ANP32A: variants seen among roughly 807,000 people sequenced by gnomAD.
The protein encoded by ANP32A is acidic leucine-rich nuclear phosphoprotein 32 family member A.
A neutral mutation model predicts 33.9 loss-of-function variants in ANP32A; 1 was observed. The ratio of observed to expected loss-of-function variants is 0.03; its 90% confidence interval spans 0.01 to 0.14. The LOEUF is 0.14. ANP32A is among the 10% of genes least tolerant of loss of function. The pLI is 1.00. For synonymous variants in ANP32A, 115 were observed against 120.5 expected (o/e 0.95, Z 0.30); for missense variants, 155 against 306.0 (o/e 0.51, Z 3.68).
chr15:68,807,845 C>A (rs942698520), intron 1 of ANP32A, among the ~76,000 whole-genome samples: 1 of 152,162 alleles, frequency 6.6e-6, no homozygotes, highest in South Asian at 2.1e-4. Context: ...CCTGGGCCCC[C>A]GCCCTTTTAC....
At chr15:68,820,332 C>G (rs991340898) in intron 1 of ANP32A, among the ~76,000 whole-genome samples, 15 of 152,170 alleles carry the variant, frequency 9.9e-5, no homozygotes, top group African/African-American at 3.6e-4. Context: ...ATCTTCCCCC[C>G]AGACGGAGTC....
At chr15:68,794,015 G>A (rs1366761284) in intron 1 of ANP32A, among the ~76,000 whole-genome samples, 1 of 152,186 alleles carries the variant, frequency 6.6e-6, no homozygotes, top group Non-Finnish European at 1.5e-5. Flanking sequence ...GAGTCCGAGA[G>A]AACTGGCTCA....
At chr15:68,784,950 C>G (rs1414447572) in intron 3 of ANP32A, among the ~76,000 whole-genome samples, 1 of 152,172 alleles carries the variant, frequency 6.6e-6, no homozygotes, top group Non-Finnish European at 1.5e-5. Flanking sequence ...TTTACTGCCT[C>G]TCCCTGAGAC....
chr15:68,807,820 C>T (rs897000), intron 1 of ANP32A, among the ~76,000 whole-genome samples: 142,539 of 152,252 alleles, frequency 0.94, 67,147 homozygotes, highest in Non-Finnish European at 0.98. Context: ...CTGTACCTGA[C>T]TGCCTGGGTC....
chr15:68,793,252 A>C (rs1021343249), intron 1 of ANP32A, among the ~76,000 whole-genome samples: 9 of 152,204 alleles, frequency 5.9e-5, no homozygotes, highest in African/African-American at 2.2e-4. Context: ...GGGAATATAG[A>C]GGTGAGTCAA....
chr15:68,816,350 A>C (rs1415451790), intron 1 of ANP32A, among the ~76,000 whole-genome samples: 1 of 152,226 alleles, frequency 6.6e-6, no homozygotes, highest in Non-Finnish European at 1.5e-5. Context: ...CTCACTGGTC[A>C]CATGATAACC....
chr15:68,789,951 A>G (rs1330187967), intron 1 of ANP32A: 1 of 152,356 alleles, frequency 6.6e-6, no homozygotes, highest in African/African-American at 2.4e-5. Context: ...TCATGGCAAG[A>G]GTGCCTGGGA....
chr15:68,813,361 T>C (rs941622381), intron 1 of ANP32A, among the ~76,000 whole-genome samples: 17 of 152,248 alleles, frequency 1.1e-4, no homozygotes, highest in African/African-American at 3.9e-4. Context: ...CTCAGGGCCA[T>C]GGTGCTTTGC....
rs1166395497 is a variant in ANP32A, at chr15:68,784,422, C to T, written c.501G>A (p.Leu167=). 1 of 1,614,130 alleles carries T rather than the reference C, an allele frequency of 6.2e-7. No homozygotes were observed. Among genetic ancestry groups the T allele is most frequent in the Admixed American group, 1.7e-5 (1 of 60,012 alleles). The change falls in exon 4 of 7, where the codon CTG becomes CTA. Residue 167 remains leucine (L), a synonymous_variant. Transcript: ENST00000465139. The stretch of plus-strand genomic sequence containing the variant: ...CATCCTCATCCTCCTCCTCATCATC[C>T]AGGCCCTCCACGTAGCCCTCAGCAT... The part of the protein sequence containing the change: ...DSDAEGYVEG[L]DDEEEDEDEE...
chr15:68,818,034 TA>T (rs919432839), intron 1 of ANP32A, among the ~76,000 whole-genome samples: 15 of 151,632 alleles, frequency 9.9e-5, no homozygotes, highest in Non-Finnish European at 1.8e-4. Context: ...GCCTAGCCGT[TA>T]AAAAAAATAA....
intron 1 of ANP32A, among the ~76,000 whole-genome samples, chr15:68,794,237 A>G (rs1894034629): frequency 6.6e-6 from 1 of 152,226 alleles, no homozygotes. Flanking sequence ...AGGGCAGGTT[A>G]GCAGATTTGA....
chr15:68,798,613 C>A (rs1894092033), intron 1 of ANP32A, among the ~76,000 whole-genome samples: 3 of 152,156 alleles, frequency 2.0e-5, no homozygotes, highest in Non-Finnish European at 4.4e-5. Flanking sequence ...AAACTTAGGG[C>A]CCACACCCTC....
Position 68,787,821 on chromosome 15 carries a change from G to A in ANP32A, c.153C>T (p.Asn51=), listed in dbSNP as rs373049653. ...FEELEFLSTI[N]VGLTSIANLP... The stretch of plus-strand genomic sequence containing the variant: ...AGTTTGCGATTGAGGTGAGGCCTAC[G>A]TTGATTGTACTTAAGAATTCCAGTT... The change falls in exon 2 of 7, where the codon AAC becomes AAT. Residue 51 remains asparagine (N), a synonymous_variant. Transcript: ENST00000465139. 6 of 1,614,106 alleles carry A rather than the reference G, an allele frequency of 3.7e-6. No individual in the cohort carries two copies. The highest frequency in any genetic ancestry group is 1.7e-5 in the Admixed American group (1 of 60,018).
intron 1 of ANP32A, among the ~76,000 whole-genome samples, chr15:68,800,672 A>G (rs1894119668): frequency 1.2e-5 from 1 of 82,124 alleles, no homozygotes. Context: ...TGAACCAGGG[A>G]GGCGGAGCTT....
At chr15:68,818,601 C>T (rs1460865523) in intron 1 of ANP32A, among the ~76,000 whole-genome samples, 1 of 150,790 alleles carries the variant, frequency 6.6e-6, no homozygotes, top group African/African-American at 2.5e-5. Flanking sequence ...CAGTACGGCG[C>T]GGTGCGCTCC....
chr15:68,812,570 C>A (rs1894327602), intron 1 of ANP32A, among the ~76,000 whole-genome samples: 1 of 152,110 alleles, frequency 6.6e-6, no homozygotes, highest in Non-Finnish European at 1.5e-5. Flanking sequence ...AGTGGAGAGG[C>A]CTCACAAAGG....
At chr15:68,792,163 C>T (rs1894005770) in intron 1 of ANP32A, 1 of 151,952 alleles carries the variant, frequency 6.6e-6, no homozygotes, top group Non-Finnish European at 1.5e-5. Context: ...CTTCCCCTGC[C>T]AAGTCCTGGG....
At chr15:68,796,517 A>C (rs1423572231) in intron 1 of ANP32A, among the ~76,000 whole-genome samples, 5 of 152,180 alleles carry the variant, frequency 3.3e-5, no homozygotes, top group African/African-American at 1.2e-4. Flanking sequence ...ACCCAGCCGC[A>C]GACTCGACTC....
At chr15:68,805,737 C>T (rs1372449558) in intron 1 of ANP32A, among the ~76,000 whole-genome samples, 1 of 152,202 alleles carries the variant, frequency 6.6e-6, no homozygotes, top group Non-Finnish European at 1.5e-5. Flanking sequence ...GTGTAAGGCA[C>T]TTGAGTGCTC....
Sources: gnomAD v4.1 joint callset for allele counts (sites outside exome capture counted in the v4.1 genomes callset) on GRCh38, gnomAD v4.1.1 for gene constraint, MANE v1.5 for transcripts, NCBI Gene and HGNC (gene_info 2026-07-23, HGNC 2026-07-21) for gene names.